CNTNAP2: variants seen among roughly 807,000 people sequenced by gnomAD.
CNTNAP2 encodes contactin associated protein 2, also known as contactin-associated protein-like 2.
In CNTNAP2, 98 loss-of-function variants were observed where a neutral mutation model predicts 155.2. The ratio of observed to expected loss-of-function variants is 0.63; its 90% CI spans 0.54 to 0.75. CNTNAP2 has a LOEUF of 0.75. CNTNAP2 is among the 30% of genes least tolerant of loss of function. The pLI is 0.00. For synonymous variants in CNTNAP2, 651 were observed against 631.2 expected (o/e 1.03, Z -0.47); for missense variants, 1,727 against 1,688.1 (o/e 1.02, Z -0.40).
At chr7:146,387,951 T>C (rs908761465) in intron 1 of CNTNAP2, among the ~76,000 whole-genome samples, 5 of 152,072 alleles carry the variant, frequency 3.3e-5, no homozygotes, top group Admixed American at 1.3e-4. Context: ...TCTGTCATCT[T>C]ATTTTTAAGA....
chr7:147,775,338 A>T lies in CNTNAP2; in HGVS notation c.2099-128227A>T, dbSNP rs2373187. ...ATATATATATTTATATATATTTATA[A>T]ATATATATATTTATATATATTTATA... On this transcript the variant is annotated intron_variant, in intron 13 of 23. Coordinates refer to ENST00000361727, the MANE Select transcript of CNTNAP2 (RefSeq NM_014141.6). Among the ~76,000 whole-genome samples, 258 of 32,560 alleles carry T rather than the reference A, an allele frequency of 7.9e-3. 2 individuals are homozygous for T. The highest frequency in any genetic ancestry group is 0.012 in the African/African-American group (55 of 4,534). 21.4% of individuals were successfully genotyped at this position (32,560 alleles called of 152,430 possible).
In CNTNAP2 at chr7:148,384,650, C is replaced by T. The variant is rs115667436; in HGVS notation, c.3715+762C>T. ...GAGGGGAGTGTAACCTCTAAGTGACCTCCGAATCCAACATTCAGTGGGTCT... is the reference window on the plus strand; with the variant it reads ...GAGGGGAGTGTAACCTCTAAGTGACTTCCGAATCCAACATTCAGTGGGTCT... On this transcript the variant is annotated intron_variant, in intron 22 of 23. Transcript: ENST00000361727. Among the ~76,000 whole-genome samples, 1,082 of 152,244 alleles carry T rather than the reference C, an allele frequency of 7.1e-3. 4 individuals are homozygous for T. The highest frequency in any genetic ancestry group is 0.02 in the Middle Eastern group (6 of 294).
At chr7:146,384,228 A>C (rs1795429992) in intron 1 of CNTNAP2, among the ~76,000 whole-genome samples, 1 of 152,236 alleles carries the variant, frequency 6.6e-6, no homozygotes, top group African/African-American at 2.4e-5. Flanking sequence ...CTTCCCAGAA[A>C]AATTAGCAAA....
chr7:147,495,025 C>T (rs1798678224), intron 11 of CNTNAP2, among the ~76,000 whole-genome samples: 1 of 152,054 alleles, frequency 6.6e-6, no homozygotes, highest in Non-Finnish European at 1.5e-5. Context: ...TATGTGAATA[C>T]AAAAGCATAG....
chr7:147,464,526 AATGTGCT>A (rs1227829600), intron 10 of CNTNAP2, among the ~76,000 whole-genome samples: 1 of 151,862 alleles, frequency 6.6e-6, no homozygotes, highest in African/African-American at 2.4e-5. Flanking sequence ...CTGTGTCACA[AATGTGCT>A]ATGTGACCTT....
chr7:146,418,548 C>A (rs1392301216), intron 1 of CNTNAP2, among the ~76,000 whole-genome samples: 3 of 151,996 alleles, frequency 2.0e-5, no homozygotes, highest in Non-Finnish European at 4.4e-5. Flanking sequence ...AGTTCTGCAA[C>A]TTTTTGGCTG....
rs755268508 is a variant in CNTNAP2, at chr7:147,378,003, C to T, written c.1499-17606C>T. On this transcript the variant is annotated intron_variant, in intron 9 of 23. Coordinates refer to ENST00000361727, the MANE Select transcript of CNTNAP2 (RefSeq NM_014141.6). ...ATTTTAATTGATTCTCCATCATTCT[C>T]CCTTTTCTCTCCTCTGAAATTCTAT... 1.3e-4 allele frequency: 63 copies of T among 467,336 alleles called. 1 individual carries two copies. The highest frequency in any genetic ancestry group is 9.2e-4 in the South Asian group (59 of 63,836). 28.9% of individuals were successfully genotyped at this position (467,336 alleles called of 1,614,324 possible).
chr7:147,880,826 G>T (rs10267612), intron 13 of CNTNAP2, among the ~76,000 whole-genome samples: 2 of 150,344 alleles, frequency 1.3e-5, no homozygotes, highest in Non-Finnish European at 2.9e-5. Flanking sequence ...CCTTAACAAA[G>T]ACCATTTTCA....
intron 21 of CNTNAP2, among the ~76,000 whole-genome samples, chr7:148,286,866 CA>C (rs1797093424): frequency 6.6e-6 from 1 of 152,196 alleles, no homozygotes; most frequent in South Asian, 2.1e-4. Context: ...CACCCCTCCC[CA>C]CGTTATACAT....
intron 4 of CNTNAP2, among the ~76,000 whole-genome samples, chr7:147,102,935 A>G (rs556801644): frequency 6.6e-6 from 1 of 152,214 alleles, no homozygotes; most frequent in African/African-American, 2.4e-5. Context: ...ACAGCTCCCC[A>G]AAAGTAACCT....
At position 147,282,409 on chromosome 7, in the gene CNTNAP2, TC is replaced by T. The variant is rs779149289; in HGVS notation, c.1349-17731del. 8.0e-4 allele frequency among the ~76,000 whole-genome samples: 121 copies of T among 152,068 alleles called. 2 individuals carry two copies. The highest frequency in any genetic ancestry group is 3.4e-3 in the Middle Eastern group (1 of 294). ...AGCCATGGTTTGGATGACATCATCA[TC>T]TCTCAAATATGTGAGAGCAGAGTGA... On this transcript the variant is annotated intron_variant, in intron 8 of 23. Transcript: ENST00000361727.
At chr7:147,797,155 T>C (rs913410633) in intron 13 of CNTNAP2, among the ~76,000 whole-genome samples, 1 of 152,234 alleles carries the variant, frequency 6.6e-6, no homozygotes, top group Non-Finnish European at 1.5e-5. Flanking sequence ...TCTCCTGTTA[T>C]AATTCTCGTT....
At chr7:147,736,704 G>A (rs1376052401) in intron 13 of CNTNAP2, among the ~76,000 whole-genome samples, 2 of 152,098 alleles carry the variant, frequency 1.3e-5, no homozygotes, top group East Asian at 3.9e-4. Context: ...CATATTTCTT[G>A]GAGGCTTTGT....
At chr7:146,631,764 A>G (rs769938689) in intron 1 of CNTNAP2, among the ~76,000 whole-genome samples, 1 of 152,136 alleles carries the variant, frequency 6.6e-6, no homozygotes, top group East Asian at 1.9e-4. Context: ...TGAACTACAT[A>G]CTGGCTGGTA....
chr7:147,423,177 C>T (rs1563199024), intron 10 of CNTNAP2, among the ~76,000 whole-genome samples: 1 of 152,130 alleles, frequency 6.6e-6, no homozygotes, highest in African/African-American at 2.4e-5. Context: ...ATAAAAGGCA[C>T]ATTCTGTCCA....
At position 146,292,038 on chromosome 7, in the gene CNTNAP2, A is replaced by T. The variant is rs2129086760; in HGVS notation, c.97+175065A>T. ...AAACTCAAACAAATATATAGAAAGA[A>T]TACAAATAATTTGATTAGAAAATGG... On this transcript the variant is annotated intron_variant, in intron 1 of 23. Transcript: ENST00000361727. Among the ~76,000 whole-genome samples the T allele has an allele frequency of 2.0e-5, 3 of 152,352 alleles. 1 individual carries two copies. The highest frequency in any genetic ancestry group is 7.2e-5 in the African/African-American group (3 of 41,586).
intron 21 of CNTNAP2, among the ~76,000 whole-genome samples, chr7:148,353,440 CA>C (rs1289164902): frequency 6.6e-6 from 1 of 152,160 alleles, no homozygotes; most frequent in Admixed American, 6.5e-5. Context: ...TTTGTCTCTG[CA>C]GGGATCTTAA....
intron 13 of CNTNAP2, among the ~76,000 whole-genome samples, chr7:147,682,733 A>G (rs936873516): frequency 3.3e-5 from 5 of 151,962 alleles, no homozygotes; most frequent in African/African-American, 1.2e-4. Flanking sequence ...TTGCCTCATT[A>G]TGCAAAGTGG....
At chr7:146,455,470 G>A (rs1796542258) in intron 1 of CNTNAP2, among the ~76,000 whole-genome samples, 1 of 152,054 alleles carries the variant, frequency 6.6e-6, no homozygotes, top group Non-Finnish European at 1.5e-5. Flanking sequence ...TACTAGTTTG[G>A]AACAAACATC....
Sources: allele counts gnomAD v4.1 joint callset (sites outside exome capture counted in the v4.1 genomes callset), GRCh38; gene constraint gnomAD v4.1.1; transcripts MANE v1.5; gene names NCBI Gene and HGNC (gene_info 2026-07-23, HGNC 2026-07-21).